Variants in C2CD2 observed in about 807,000 individuals in gnomAD.
C2CD2 encodes C2 calcium dependent domain containing 2, also known as C2 domain-containing protein 2.
A neutral mutation model predicts 74.3 loss-of-function variants in C2CD2; 43 were observed. The observed-to-expected ratio is 0.58, with a 90% CI of 0.45 to 0.75. The LOEUF (loss-of-function observed/expected upper bound fraction) is 0.75. Ranked by LOEUF, C2CD2 falls within the 30% of genes least tolerant of loss-of-function variation. The pLI, the probability that C2CD2 is intolerant of heterozygous loss-of-function variation, is 0.00. For synonymous variants in C2CD2, 422 were observed against 390.7 expected (o/e 1.08, Z -0.94); for missense variants, 801 against 916.3 (o/e 0.87, Z 1.63).
intron 2 of C2CD2, 116 bp downstream of exon 2, chr21:41,942,031 T>G: frequency 7.3e-7 from 1 of 1,367,236 alleles, no homozygotes; most frequent in Non-Finnish European, 9.8e-7. Flanking sequence ...GATGGTTGTT[T>G]TGATTTTTTT....
intron 1 of C2CD2, among the ~76,000 whole-genome samples, chr21:41,946,051 G>C (rs528242782): frequency 6.6e-6 from 1 of 152,330 alleles, no homozygotes; most frequent in South Asian, 2.1e-4. Context: ...CATTGGAGGA[G>C]AAATGACAGT....
chr21:41,917,562 A>G (rs1000654959), intron 5 of C2CD2, among the ~76,000 whole-genome samples: 2 of 152,190 alleles, frequency 1.3e-5, no homozygotes, highest in African/African-American at 4.8e-5. Flanking sequence ...ATTTAACCAG[A>G]AAAGTGAGTA....
Position 41,895,268 on chromosome 21 carries a change from T to C in C2CD2, c.1870+3785A>G, listed in dbSNP as rs567996787. Among the ~76,000 whole-genome samples, 13 of 152,340 alleles carry C rather than the reference T, an allele frequency of 8.5e-5. No individual in the cohort carries two copies. The highest frequency in any genetic ancestry group is 3.1e-4 in the African/African-American group (13 of 41,588). Reference sequence around the variant, plus strand: ...CCTGTCAATCTCATGAGTCAGTTCCTTAAATATGTAACCTATGGGTTCTGC... The same window carrying C: ...CCTGTCAATCTCATGAGTCAGTTCCCTAAATATGTAACCTATGGGTTCTGC... On this transcript the variant is annotated intron_variant, in intron 13 of 13. Transcript: ENST00000380486. This position sits in a 1 kb window ranked among gnomAD's most constrained non-coding sequence, Gnocchi z 5.0.
chr21:41,947,782 G>A (rs2065413821), intron 1 of C2CD2, among the ~76,000 whole-genome samples: 1 of 152,086 alleles, frequency 6.6e-6, no homozygotes, highest in Non-Finnish European at 1.5e-5. Context: ...TTTCCCTTCT[G>A]CAGATGATGC....
At position 41,899,428 on chromosome 21, in the gene C2CD2, G is replaced by T; in HGVS notation, c.1561-66C>A. The T allele has an allele frequency of 7.0e-7, 1 of 1,420,082 alleles. No homozygotes were observed. The highest frequency in any genetic ancestry group is 9.7e-7 in the Non-Finnish European group (1 of 1,034,786). The allele number at this position is 1,420,082 out of a possible 1,614,324, so 88.0% of individuals were successfully genotyped here. ...AGGAAGGGAGGGTTTGAAAAGAACT[G>T]AAAAGCACTCTCCAAAACATTCTGA... On this transcript the variant is annotated intron_variant, in intron 12 of 13. Transcript: ENST00000380486. The surrounding 1 kb of genome is among the most constrained non-coding windows in gnomAD (Gnocchi z 4.4).
At chr21:41,943,319 G>C (rs990380995) in intron 1 of C2CD2, among the ~76,000 whole-genome samples, 1 of 152,070 alleles carries the variant, frequency 6.6e-6, no homozygotes, top group Non-Finnish European at 1.5e-5. Flanking sequence ...CTCCAAACGA[G>C]AGACGCACAA....
chr21:41,933,187 C>A (rs978300969), intron 2 of C2CD2, among the ~76,000 whole-genome samples: 2 of 150,256 alleles, frequency 1.3e-5, no homozygotes, highest in Non-Finnish European at 3.0e-5. Flanking sequence ...AAGGGAGGGG[C>A]GATGCCCTGG....
At chr21:41,918,369 CTG>C in intron 4 of C2CD2, 142 bp from the exon 5 acceptor site, 1 of 975,872 alleles carries the variant, frequency 1.0e-6, no homozygotes, top group East Asian at 2.7e-5. Flanking sequence ...TTTGCAAAAA[CTG>C]TGGAAAGAAA....
At position 41,919,932 on chromosome 21, in the gene C2CD2, C is replaced by T. The variant is rs151139036; in HGVS notation, c.493-972G>A. On this transcript the variant is annotated intron_variant, in intron 3 of 13. Transcript: ENST00000380486. ...AAGAGCCCAGTGGAAACACCTGAGT[C>T]CTGAAGAGTGGGGGAGCACGGGAGA... Among the ~76,000 whole-genome samples, 346 of 152,220 alleles carry T rather than the reference C, an allele frequency of 2.3e-3. 2 individuals carry two copies. The highest frequency in any genetic ancestry group is 7.7e-3 in the African/African-American group (319 of 41,520).
At chr21:41,894,593 G>A (rs923206852) in intron 13 of C2CD2, 3 of 454,208 alleles carry the variant, frequency 6.6e-6, no homozygotes, top group Admixed American at 2.4e-5. Flanking sequence ...AAAGCCCGTG[G>A]GGTCTCATGG....
In C2CD2 at chr21:41,924,235, C is replaced by A. The variant is rs188743250; in HGVS notation, c.379-2150G>T. 0.022 allele frequency among the ~76,000 whole-genome samples: 3,352 copies of A among 152,338 alleles called. 124 individuals are homozygous for A. The highest frequency in any genetic ancestry group is 0.076 in the African/African-American group (3,167 of 41,560). ...TTTCTCATCTGCTGGCTCCTGGCCG[C>A]AGCCAAGCCCTGGGTCCAGCTCTTC... On this transcript the variant is annotated intron_variant, in intron 2 of 13. Coordinates refer to ENST00000380486, the MANE Select transcript of C2CD2 (RefSeq NM_015500.2). The surrounding 1 kb of genome is among the most constrained non-coding windows in gnomAD (Gnocchi z 4.4).
Position 41,889,361 on chromosome 21 carries a change from C to T in C2CD2, c.1871-17G>A, listed in dbSNP as rs767691548. 1.3e-6 allele frequency: 2 copies of T among 1,577,686 alleles called. No individual in the cohort carries two copies. The highest frequency in any genetic ancestry group is 2.2e-5 in the East Asian group (1 of 44,632). The stretch of plus-strand genomic sequence containing the variant: ...GAATTCCTCCTGGAAGAGGGAGGCA[C>T]AAGGGCTGGTCAAGTGGGCAGGGAA... On this transcript the variant is annotated splice_polypyrimidine_tract_variant and intron_variant, in intron 13 of 13. Coordinates refer to ENST00000380486, the MANE Select transcript of C2CD2 (RefSeq NM_015500.2).
chr21:41,953,714 G>T lies in C2CD2; in HGVS notation c.-66C>A. On this transcript the variant is annotated 5_prime_UTR_variant, in exon 1 of 14. Coordinates refer to ENST00000380486, the MANE Select transcript of C2CD2 (RefSeq NM_015500.2). ...CCCCGGGCCGGAACGGCGGACTCAG[G>T]ACACGCGCTGGCTGCGGCCACAGCG... The T allele has an allele frequency of 7.9e-7, 1 of 1,268,514 alleles. No homozygotes were observed. The highest frequency in any genetic ancestry group is 2.6e-5 in the South Asian group (1 of 38,750). 78.6% of individuals were successfully genotyped at this position (1,268,514 alleles called of 1,614,324 possible).
chr21:41,935,585 G>A (rs2065300118), intron 2 of C2CD2, among the ~76,000 whole-genome samples: 1 of 152,112 alleles, frequency 6.6e-6, no homozygotes, highest in African/African-American at 2.4e-5. Context: ...TGACACTGAG[G>A]GCCGGGCGCG....
At chr21:41,952,721 G>T (rs1270946792) in intron 1 of C2CD2, among the ~76,000 whole-genome samples, 3 of 152,246 alleles carry the variant, frequency 2.0e-5, no homozygotes, top group Admixed American at 2.0e-4. Context: ...TGCCAGCTCT[G>T]CCGCCCACGA....
chr21:41,901,387 C>T (rs568715479), intron 12 of C2CD2: 17 of 577,902 alleles, frequency 2.9e-5, no homozygotes, highest in Middle Eastern at 9.3e-4. Context: ...AACCTCTCAA[C>T]GTGTAAAGCG....
chr21:41,918,031 C>T (rs2065111627), intron 5 of C2CD2, 74 bp downstream of exon 5: 2 of 1,572,868 alleles, frequency 1.3e-6, no homozygotes, highest in African/African-American at 1.3e-5. Flanking sequence ...GGAACGCACA[C>T]AGATTCTCCA....
In C2CD2 at chr21:41,923,549, T is replaced by C. The variant is rs537558349; in HGVS notation, c.379-1464A>G. Among the ~76,000 whole-genome samples the C allele has an allele frequency of 2.6e-5, 4 of 152,270 alleles. No individual in the cohort carries two copies. The highest frequency in any genetic ancestry group is 3.4e-3 in the Middle Eastern group (1 of 294). The stretch of plus-strand genomic sequence containing the variant: ...ATGGTTTTCAAAAAGGTGGGAGTAA[T>C]TGGAAAAACATACAAAGTATCAAAC... On this transcript the variant is annotated intron_variant, in intron 2 of 13. Coordinates refer to ENST00000380486, the MANE Select transcript of C2CD2 (RefSeq NM_015500.2). This position sits in a 1 kb window ranked among gnomAD's most constrained non-coding sequence, Gnocchi z 5.8.
chr21:41,953,494 G>C lies in C2CD2; in HGVS notation c.155C>G (p.Pro52Arg). 6.7e-7 allele frequency: 1 copy of C among 1,483,644 alleles called. No homozygotes were observed. The highest frequency in any genetic ancestry group is 1.3e-5 in the South Asian group (1 of 76,992). The allele number at this position is 1,483,644 out of a possible 1,614,324, so 91.9% of individuals were successfully genotyped here. A position where few individuals can be genotyped will look rare whatever the true frequency, so the allele number is the denominator to read the frequency against. Residue 52 changes from proline to arginine, a missense_variant, in exon 1 of 14, where the codon CCT becomes CGT. Coordinates refer to ENST00000380486, the MANE Select transcript of C2CD2 (RefSeq NM_015500.2). ...GGACCCCGGGCGCGGCCCCTCTCCA[G>C]GCTCCACCGCCCGCCGCTGGGGCTG... ...RPQPQRRAVE[P>R]GEGPRPGSDA... is the part of the protein sequence containing the mutation.
Sources: gnomAD v4.1 joint callset for allele counts (sites outside exome capture counted in the v4.1 genomes callset) on GRCh38, gnomAD v4.1.1 for gene constraint, Gnocchi (gnomAD v3.1) non-coding constraint, MANE v1.5 for transcripts, NCBI Gene and HGNC (gene_info 2026-07-23, HGNC 2026-07-21) for gene names.